The following SOAT1 variants were observed in gnomAD, a reference collection of about 807,000 sequenced individuals.
The protein encoded by SOAT1 is acyl-coenzyme A:cholesterol acyltransferase 1.
In SOAT1, 55 loss-of-function variants were observed where a neutral mutation model predicts 69.5. The ratio of observed to expected loss-of-function variants is 0.79; its 90% confidence interval spans 0.64 to 0.99. The LOEUF (loss-of-function observed/expected upper bound fraction) is 0.99. Among genes scored for constraint, SOAT1 ranks in the 50% least tolerant of loss-of-function variants. The pLI is 0.00. For synonymous variants in SOAT1, 231 were observed against 224.7 expected (o/e 1.03, Z -0.25); for missense variants, 580 against 669.3 (o/e 0.87, Z 1.47).
At chr1:179,332,251 A>G (rs12078952) in intron 3 of SOAT1, among the ~76,000 whole-genome samples, 1,966 of 152,300 alleles carry the variant, frequency 0.013, 59 homozygotes, top group African/African-American at 0.044. Context: ...TGTGCTTAAA[A>G]TGTCATTGGC....
chr1:179,328,877 CTACAAAAAA>C (rs1341655871), intron 3 of SOAT1, among the ~76,000 whole-genome samples: 2 of 150,986 alleles, frequency 1.3e-5, no homozygotes, highest in Admixed American at 1.3e-4. Context: ...AACCCTGTGT[CTACAAAAAA>C]TACAAAAAAT....
At chr1:179,343,699 A>C in intron 10 of SOAT1, 64 bp downstream of exon 10, 1 of 1,160,682 alleles carries the variant, frequency 8.6e-7, no homozygotes, top group South Asian at 1.4e-5. Flanking sequence ...TTATGATAAT[A>C]ATATAATCTA....
At chr1:179,306,965 A>G (rs1340440658) in intron 2 of SOAT1, among the ~76,000 whole-genome samples, 2 of 152,196 alleles carry the variant, frequency 1.3e-5, no homozygotes, top group Non-Finnish European at 2.9e-5. Flanking sequence ...AAACTTTTTC[A>G]GTCAGCTCCC....
At chr1:179,317,571 G>C (rs1446110326) in intron 2 of SOAT1, among the ~76,000 whole-genome samples, 1 of 147,562 alleles carries the variant, frequency 6.8e-6, no homozygotes, top group Admixed American at 6.8e-5. Context: ...TTACCATGTA[G>C]AGTAAATAAG....
At chr1:179,298,130 A>ACTTAT (rs111304002) in intron 1 of SOAT1, among the ~76,000 whole-genome samples, 151,122 of 151,976 alleles carry the variant, frequency 0.99, 75,149 homozygotes, top group Middle Eastern at 1. Flanking sequence ...ACTTGATCTA[A>ACTTAT]CTTGAGTGCA....
intron 2 of SOAT1, among the ~76,000 whole-genome samples, chr1:179,317,532 C>CAA (rs61402247): frequency 0.29 from 30,563 of 106,000 alleles, 4,163 homozygotes; most frequent in East Asian, 0.46. Context: ...GACTCCGTCT[C>CAA]AAAAAAAAAA....
chr1:179,298,345 C>A (rs1359351277), intron 1 of SOAT1, among the ~76,000 whole-genome samples: 7 of 152,142 alleles, frequency 4.6e-5, no homozygotes, highest in Non-Finnish European at 2.9e-5. Flanking sequence ...ACCTCGGCCT[C>A]CCAAAGTGCT....
In SOAT1 at chr1:179,352,638, T is replaced by A. The variant is rs551047128; in HGVS notation, c.1597-947T>A. Among the ~76,000 whole-genome samples the A allele has an allele frequency of 2.4e-5, 3 of 127,074 alleles. No homozygotes were observed. In the South Asian group the frequency reaches 9.2e-4, roughly 39 times the overall value. The allele number at this position is 127,074 out of a possible 152,430, so 83.4% of individuals were successfully genotyped here. On this transcript the variant is annotated intron_variant, in intron 15 of 15. Transcript: ENST00000367619. ...TTGCTAAATTTGGTGGCCCTACTAA[T>A]AATTCATTCAATCCCTACAACCTTC...
At position 179,354,569 on chromosome 1, in the gene SOAT1, C is replaced by T. The variant is rs922984059; in HGVS notation, c.*928C>T. Reference sequence around the variant, plus strand: ...TTTATTGTCTAATAAATATTGACTTCTCTTGAATTATTTTGCAGACTAGTG... The same window carrying T: ...TTTATTGTCTAATAAATATTGACTTTTCTTGAATTATTTTGCAGACTAGTG... On this transcript the variant is annotated 3_prime_UTR_variant, in exon 16 of 16. Coordinates refer to ENST00000367619, the MANE Select transcript of SOAT1 (RefSeq NM_003101.6). 7.2e-5 allele frequency: 11 copies of T among 152,132 alleles called. No homozygotes were observed. The highest frequency in any genetic ancestry group is 1.6e-4 in the Non-Finnish European group (11 of 68,030). The allele number at this position is 152,132 out of a possible 1,614,324, so 9.4% of individuals were successfully genotyped here.
intron 2 of SOAT1, among the ~76,000 whole-genome samples, chr1:179,313,669 C>T (rs1203778334): frequency 3.3e-5 from 5 of 152,082 alleles, no homozygotes; most frequent in Admixed American, 3.3e-4. Flanking sequence ...ACCGCAACCT[C>T]CGCCTCCCAG....
intron 14 of SOAT1, among the ~76,000 whole-genome samples, chr1:179,351,021 C>CTTTTTTTTTTTT (rs201449849): frequency 1.6e-4 from 21 of 127,566 alleles, no homozygotes; most frequent in South Asian, 2.5e-4. Flanking sequence ...ATATTTCTTT[C>CTTTTTTTTTTTT]TTTTTTTTTT....
At position 179,357,387 on chromosome 1, in the gene SOAT1, G is replaced by A. The variant is rs898363359; in HGVS notation, c.*3746G>A. 2 of 152,254 alleles carry A rather than the reference G, an allele frequency of 1.3e-5. No homozygotes were observed. Among genetic ancestry groups the A allele is most frequent in the African/African-American group, 2.4e-5 (1 of 41,420 alleles). 9.4% of individuals were successfully genotyped at this position (152,254 alleles called of 1,614,324 possible). ...CCAGCTAATTTTTGTGTTTTTAGTA[G>A]AGATGGGGTTTCACCATGATGGTCA... On this transcript the variant is annotated 3_prime_UTR_variant, in exon 16 of 16. Transcript: ENST00000367619.
intron 11 of SOAT1, among the ~76,000 whole-genome samples, chr1:179,345,745 TC>T (rs1230851023): frequency 3.3e-5 from 5 of 152,024 alleles, no homozygotes; most frequent in Non-Finnish European, 5.9e-5. Context: ...AGACGGGGTC[TC>T]CCTATGTTGC....
intron 2 of SOAT1, among the ~76,000 whole-genome samples, chr1:179,317,952 T>C (rs1426259334): frequency 6.6e-6 from 1 of 152,084 alleles, no homozygotes; most frequent in African/African-American, 2.4e-5. Context: ...TTTGGGAGGC[T>C]GAGGCAGGAG....
intron 14 of SOAT1, among the ~76,000 whole-genome samples, chr1:179,351,056 T>TGAGACAGAG (rs1666712228): frequency 1.5e-5 from 1 of 64,562 alleles, no homozygotes; most frequent in Non-Finnish European, 3.1e-5. Context: ...TTTTTTTTTT[T>TGAGACAGAG]TTTTGAGACA....
Position 179,353,693 on chromosome 1 carries a change from T to G in SOAT1, c.*52T>G. On this transcript the variant is annotated 3_prime_UTR_variant, in exon 16 of 16. Transcript: ENST00000367619. ...CACTGAAGATTGGGTAGCTCCCTGA[T>G]TTGGAGCCAGCTGTTTCCAGTTGTT... 1 of 1,442,210 alleles carries G rather than the reference T, an allele frequency of 6.9e-7. No homozygotes were observed. Among genetic ancestry groups the G allele is most frequent in the South Asian group, 1.1e-5 (1 of 87,274 alleles). 89.3% of individuals were successfully genotyped at this position (1,442,210 alleles called of 1,614,324 possible). A position where few individuals can be genotyped will look rare whatever the true frequency, so the allele number is the denominator to read the frequency against.
chr1:179,309,036 GAGCATCATTGAAAC>G (rs973455742), intron 2 of SOAT1, among the ~76,000 whole-genome samples: 50 of 152,330 alleles, frequency 3.3e-4, no homozygotes, highest in African/African-American at 1.1e-3. Flanking sequence ...GTGCTACAGA[GAGCATCATTGAAAC>G]AGCATCATTG....
At chr1:179,311,368 A>C (rs773159327) in intron 2 of SOAT1, among the ~76,000 whole-genome samples, 2 of 151,814 alleles carry the variant, frequency 1.3e-5, no homozygotes, top group Admixed American at 6.6e-5. Flanking sequence ...TATATGTTAA[A>C]ATTTGTAACA....
intron 2 of SOAT1, among the ~76,000 whole-genome samples, chr1:179,306,741 G>C (rs1239674774): frequency 4.1e-5 from 6 of 147,294 alleles, no homozygotes; most frequent in Non-Finnish European, 8.9e-5. Flanking sequence ...TGAGGCAGGA[G>C]AATGGCGTGA....
Sources: gnomAD v4.1 joint callset for allele counts (sites outside exome capture counted in the v4.1 genomes callset) on GRCh38, gnomAD v4.1.1 for gene constraint, MANE v1.5 for transcripts, NCBI Gene and HGNC (gene_info 2026-07-23, HGNC 2026-07-21) for gene names.